Variants in PDE4D observed in about 807,000 individuals in gnomAD.
PDE4D encodes the protein phosphodiesterase 4D.
PDE4D carries 24 observed loss-of-function variants against 87.4 expected under a neutral mutation model. That is an observed-to-expected ratio of 0.27 (90% confidence interval 0.20 to 0.39). The LOEUF (loss-of-function observed/expected upper bound fraction) is 0.39, where lower values mean the gene tolerates loss of function less well. Among genes scored for constraint, PDE4D ranks in the 10% least tolerant of loss-of-function variants. PDE4D has a pLI of 1.00. For synonymous variants in PDE4D, 384 were observed against 383.2 expected (o/e 1.00, Z -0.02); for missense variants, 714 against 1,041.0 (o/e 0.69, Z 4.32).
At chr5:59,046,398 AAG>A (rs1194401342) in intron 5 of PDE4D, among the ~76,000 whole-genome samples, 2 of 149,294 alleles carry the variant, frequency 1.3e-5, no homozygotes, top group East Asian at 4.1e-4. Context: ...AAGGGCATGA[AAG>A]AGTGAGAGAG....
chr5:59,629,623 G>A lies in PDE4D; in HGVS notation c.455+263545C>T, dbSNP rs78713065. On this transcript the variant is annotated intron_variant, in intron 1 of 14. Transcript: ENST00000340635. ...ATCTCAGACTCCTAGCCTCCAGAAC[G>A]GTGAGATAATAAATTTCTGTTGCTT... Among the ~76,000 whole-genome samples the A allele has an allele frequency of 4.3e-3, 660 of 152,232 alleles. 20 individuals carry two copies. In the East Asian group the frequency reaches 0.097, roughly 22 times the overall value.
intron 1 of PDE4D, among the ~76,000 whole-genome samples, chr5:59,392,366 T>C (rs1010461128): frequency 5.3e-5 from 8 of 152,154 alleles, no homozygotes; most frequent in Admixed American, 1.3e-4. Flanking sequence ...CTCTGAAATA[T>C]TGGACTCCAA....
chr5:59,705,538 C>T (rs2150479180), intron 1 of PDE4D, among the ~76,000 whole-genome samples: 1 of 152,246 alleles, frequency 6.6e-6, no homozygotes, highest in African/African-American at 2.4e-5. Flanking sequence ...TGACAATTTT[C>T]CCCAGGCTAC....
At chr5:59,146,459 T>C (rs1290734237) in intron 5 of PDE4D, among the ~76,000 whole-genome samples, 1 of 152,116 alleles carries the variant, frequency 6.6e-6, no homozygotes, top group South Asian at 2.1e-4. Context: ...TCTAGGGTGG[T>C]ACTACAGGCA....
chr5:59,195,968 G>A (rs1490106336), intron 2 of PDE4D, among the ~76,000 whole-genome samples: 1 of 152,098 alleles, frequency 6.6e-6, no homozygotes, highest in African/African-American at 2.4e-5. Flanking sequence ...GGGCAAAAAT[G>A]GAAGCAGGGA....
chr5:60,157,436 C>T (rs1289327486), intron 2 of PDE4D, among the ~76,000 whole-genome samples: 2 of 152,076 alleles, frequency 1.3e-5, no homozygotes, highest in Non-Finnish European at 2.9e-5. Flanking sequence ...AAACAAACTA[C>T]TGTGAAATGT....
intron 1 of PDE4D, among the ~76,000 whole-genome samples, chr5:59,502,703 TG>T (rs1808521080): frequency 6.6e-6 from 1 of 150,494 alleles, no homozygotes; most frequent in Non-Finnish European, 1.5e-5. Flanking sequence ...TGTGTGTGTG[TG>T]TGTGTGTAGT....
intron 1 of PDE4D, among the ~76,000 whole-genome samples, chr5:60,352,070 G>A (rs915599604): frequency 7.9e-5 from 12 of 151,806 alleles, no homozygotes; most frequent in African/African-American, 2.9e-4. Flanking sequence ...CTTCCAAAGT[G>A]CTGGGATTAC....
rs1195902173 is a variant in PDE4D, at chr5:59,172,243, T to A, written c.808+8352A>T. On this transcript the variant is annotated intron_variant, in intron 5 of 14. Coordinates refer to ENST00000340635, the MANE Select transcript of PDE4D (RefSeq NM_001104631.2). Reference sequence around the variant, plus strand: ...AATAAATATATAATAAATATGTATATAATATATAATAAATATATATTTATA... The same window carrying A: ...AATAAATATATAATAAATATGTATAAAATATATAATAAATATATATTTATA... Among the ~76,000 whole-genome samples, 9 of 121,268 alleles carry A rather than the reference T, an allele frequency of 7.4e-5. 1 individual carries two copies. In the Admixed American group the frequency reaches 8.5e-4, roughly 11 times the overall value. The allele number at this position is 121,268 out of a possible 152,430, so 79.6% of individuals were successfully genotyped here.
At chr5:58,992,393 T>G (rs1748119504) in intron 7 of PDE4D, among the ~76,000 whole-genome samples, 1 of 152,160 alleles carries the variant, frequency 6.6e-6, no homozygotes, top group Non-Finnish European at 1.5e-5. Flanking sequence ...TCTTGCCAAC[T>G]AAGGACTACA....
At chr5:59,982,590 C>A (rs1458237796) in intron 3 of PDE4D, among the ~76,000 whole-genome samples, 2 of 152,174 alleles carry the variant, frequency 1.3e-5, no homozygotes, top group African/African-American at 4.8e-5. Flanking sequence ...ATTTAGAAGT[C>A]AGCAAGGTTG....
rs181024104 is a variant in PDE4D, at chr5:59,259,269, A to C, written c.456-43301T>G. ...TAACATTCACAGAAACCCTATGGGT[A>C]GCTTTTCCCCCTTGTCCAAAATCAC... is the stretch of plus-strand genomic sequence containing the variant. On this transcript the variant is annotated intron_variant, in intron 1 of 14. Coordinates refer to ENST00000340635, the MANE Select transcript of PDE4D (RefSeq NM_001104631.2). Among the ~76,000 whole-genome samples the C allele has an allele frequency of 9.9e-5, 15 of 151,942 alleles. No homozygotes were observed. In the East Asian group the frequency reaches 2.1e-3, roughly 22 times the overall value.
chr5:60,244,043 A>G (rs566118488), intron 1 of PDE4D, among the ~76,000 whole-genome samples: 12 of 152,026 alleles, frequency 7.9e-5, no homozygotes, highest in Non-Finnish European at 1.6e-4. Context: ...ATGATCTCAT[A>G]TTTGGAAAAA....
At chr5:59,250,136 C>G (rs1294369880) in intron 1 of PDE4D, among the ~76,000 whole-genome samples, 1 of 151,808 alleles carries the variant, frequency 6.6e-6, no homozygotes, top group Non-Finnish European at 1.5e-5. Context: ...TCCACCATGC[C>G]TGGCCTCTTG....
chr5:59,426,517 G>T (rs1795234702), intron 1 of PDE4D, among the ~76,000 whole-genome samples: 1 of 152,058 alleles, frequency 6.6e-6, no homozygotes, highest in Admixed American at 6.6e-5. Flanking sequence ...TACCAGAACA[G>T]CTGCATCACC....
intron 2 of PDE4D, among the ~76,000 whole-genome samples, chr5:59,198,216 T>TA (rs535755542): frequency 4.0e-5 from 6 of 151,894 alleles, no homozygotes; most frequent in Admixed American, 6.6e-5. Flanking sequence ...ACAGCTCTTT[T>TA]AAAAAAAAGA....
intron 1 of PDE4D, among the ~76,000 whole-genome samples, chr5:59,299,875 C>T (rs543896121): frequency 2.6e-5 from 4 of 152,158 alleles, no homozygotes; most frequent in East Asian, 1.9e-4. Context: ...TTTGGGAGGC[C>T]GAGGTGGGCA....
At chr5:59,163,727 G>A (rs1781499752) in intron 5 of PDE4D, among the ~76,000 whole-genome samples, 1 of 152,160 alleles carries the variant, frequency 6.6e-6, no homozygotes, top group Admixed American at 6.5e-5. Context: ...AAGATTCAGA[G>A]TGGCAACTGG....
chr5:59,446,227 A>G (rs1388881913), intron 1 of PDE4D, among the ~76,000 whole-genome samples: 1 of 152,174 alleles, frequency 6.6e-6, no homozygotes, highest in Non-Finnish European at 1.5e-5. Context: ...TATTCATTAT[A>G]AGTACTTAAG....
Sources: allele counts gnomAD v4.1 joint callset (sites outside exome capture counted in the v4.1 genomes callset), GRCh38; gene constraint gnomAD v4.1.1; transcripts MANE v1.5; gene names NCBI Gene and HGNC (gene_info 2026-07-23, HGNC 2026-07-21).